Variants in SLC7A2 observed in about 807,000 individuals in gnomAD.
SLC7A2 encodes the protein solute carrier family 7 member 2, also known as cationic amino acid transporter 2.
Under a neutral mutation model 58.9 loss-of-function variants are expected in SLC7A2, and 48 were observed. That is an observed-to-expected ratio of 0.82 (90% CI 0.65 to 1.04). SLC7A2 has a LOEUF of 1.04. Ranked by LOEUF, SLC7A2 falls within the 50% of genes least tolerant of loss-of-function variation. SLC7A2 has a pLI of 0.00. For synonymous variants in SLC7A2, 363 were observed against 314.5 expected (o/e 1.15, Z -1.63); for missense variants, 1,029 against 818.8 (o/e 1.26, Z -3.13).
At chr8:17,513,668 G>A (rs1800690846) in intron 2 of SLC7A2, among the ~76,000 whole-genome samples, 1 of 152,134 alleles carries the variant, frequency 6.6e-6, no homozygotes, top group African/African-American at 2.4e-5. Flanking sequence ...GGCCTTAATT[G>A]ATCATTTTTA....
chr8:17,557,743 G>T (rs371344717), intron 8 of SLC7A2, among the ~76,000 whole-genome samples: 2 of 152,118 alleles, frequency 1.3e-5, no homozygotes, highest in Admixed American at 1.3e-4. Flanking sequence ...TATGACAATC[G>T]CTTGGACCAG....
intron 2 of SLC7A2, among the ~76,000 whole-genome samples, chr8:17,542,951 G>A (rs890676133): frequency 2.0e-5 from 3 of 152,138 alleles, no homozygotes; most frequent in African/African-American, 4.8e-5. Flanking sequence ...GACAGAGTGA[G>A]ATCCTGTTTC....
At position 17,562,060 on chromosome 8, in the gene SLC7A2, G is replaced by A. The variant is rs368801565; in HGVS notation, c.1621G>A (p.Val541Ile). ...GTTTCTTGTTCTCTTCGTTGCCATC[G>A]TTCTCACCATCTGGAGGCAGCCCCA... ...ALFLVLFVAI[V>I]LTIWRQPQNQ... The change falls in exon 11 of 13, where the codon GTT (valine) becomes ATT (isoleucine). Residue 541 changes from valine (V) to isoleucine (I), a missense_variant. By Grantham distance (29) the Val-to-Ile change is conservative (BLOSUM62 3). Coordinates refer to ENST00000494857, the MANE Select transcript of SLC7A2 (RefSeq NM_001370338.1). The A allele has an allele frequency of 4.4e-5, 71 of 1,613,748 alleles. No homozygotes were observed. The Middle Eastern group carries it at 9.9e-4, about 22-fold the overall frequency.
At chr8:17,533,651 C>T (rs1348924969) in intron 2 of SLC7A2, among the ~76,000 whole-genome samples, 2 of 152,236 alleles carry the variant, frequency 1.3e-5, no homozygotes, top group Non-Finnish European at 2.9e-5. Flanking sequence ...AGACAAAAAG[C>T]TTTCTTATAC....
At chr8:17,556,591 T>C (rs1412522550) in intron 8 of SLC7A2, among the ~76,000 whole-genome samples, 1 of 151,228 alleles carries the variant, frequency 6.6e-6, no homozygotes, top group East Asian at 2.0e-4. Flanking sequence ...ATTGTAATAA[T>C]CTGACGTATA....
In SLC7A2 at chr8:17,545,966, T is replaced by C. The variant is rs187310324; in HGVS notation, c.532+1360T>C. Among the ~76,000 whole-genome samples the C allele has an allele frequency of 3.3e-5, 5 of 152,336 alleles. No homozygotes were observed. In the East Asian group the frequency reaches 9.6e-4, roughly 29 times the overall value. On this transcript the variant is annotated intron_variant, in intron 4 of 12. Coordinates refer to ENST00000494857, the MANE Select transcript of SLC7A2 (RefSeq NM_001370338.1). Reference sequence around the variant, plus strand: ...TTTAAAAAGTGAGTCATTAATCAAATGTTTTACATACGGATAGGGATAAGA... The same window carrying C: ...TTTAAAAAGTGAGTCATTAATCAAACGTTTTACATACGGATAGGGATAAGA...
At chr8:17,554,972 C>T (rs866887496) in intron 8 of SLC7A2, 1 of 1,613,770 alleles carries the variant, frequency 6.2e-7, no homozygotes, top group South Asian at 1.1e-5. Flanking sequence ...TTTCCTTTAC[C>T]CCGAATTCTG....
chr8:17,528,390 A>G (rs1727229161), intron 2 of SLC7A2, among the ~76,000 whole-genome samples: 1 of 151,314 alleles, frequency 6.6e-6, no homozygotes, highest in African/African-American at 2.4e-5. Context: ...TTTTTTGTTT[A>G]TTTGTTTTTT....
intron 2 of SLC7A2, among the ~76,000 whole-genome samples, chr8:17,507,508 C>G (rs181519344): frequency 1.9e-3 from 282 of 152,194 alleles, no homozygotes; most frequent in African/African-American, 5.8e-3. Context: ...GCCACTGTAC[C>G]TGGCCTTTTT....
chr8:17,496,580 T>C (rs920182518), upstream of SLC7A2, among the ~76,000 whole-genome samples: 3 of 152,218 alleles, frequency 2.0e-5, no homozygotes, highest in Non-Finnish European at 4.4e-5. Context: ...TTCATACCAC[T>C]GGAGTCTTCC....
intron 4 of SLC7A2, among the ~76,000 whole-genome samples, chr8:17,546,796 G>A (rs1221999087): frequency 6.6e-6 from 1 of 152,118 alleles, no homozygotes; most frequent in Non-Finnish European, 1.5e-5. Context: ...AACTAAATCT[G>A]TGGCATCATC....
Position 17,551,902 on chromosome 8 carries a change from C to G in SLC7A2, c.971C>G (p.Pro324Arg). 6.2e-7 allele frequency: 1 copy of G among 1,613,972 alleles called. No individual in the cohort carries two copies. The highest frequency in any genetic ancestry group is 2.2e-5 in the East Asian group (1 of 44,836). Residue 324 changes from proline (P) to arginine (R), a missense_variant, in exon 7 of 13, where the codon CCC becomes CGC. Physicochemically the swap from Pro to Arg is moderately radical, Grantham distance 103. Coordinates refer to ENST00000494857, the MANE Select transcript of SLC7A2 (RefSeq NM_001370338.1). ...TACTACCTCCTCGATGAAAAAAGCC[C>G]CCTTCCTGTAGCGTTTGAATATGTG... ...MPYYLLDEKSPLPVAFEYVGW... is the reference protein window; with the variant it reads ...MPYYLLDEKSRLPVAFEYVGW...
intron 4 of SLC7A2, among the ~76,000 whole-genome samples, chr8:17,545,924 TA>T (rs1802150175): frequency 1.3e-5 from 2 of 152,184 alleles, no homozygotes; most frequent in South Asian, 2.1e-4. Flanking sequence ...TATATAATTT[TA>T]AAAATAGCTT....
At chr8:17,507,424 G>C (rs1288812695) in intron 2 of SLC7A2, among the ~76,000 whole-genome samples, 1 of 151,958 alleles carries the variant, frequency 6.6e-6, no homozygotes, top group Non-Finnish European at 1.5e-5. Context: ...GTGTTGCCCA[G>C]GCTGGTTTTG....
chr8:17,530,187 C>T (rs1303862970), intron 2 of SLC7A2, among the ~76,000 whole-genome samples: 2 of 152,140 alleles, frequency 1.3e-5, no homozygotes, highest in African/African-American at 4.8e-5. Flanking sequence ...CCCTGCCCCC[C>T]ATCCCCGGTC....
intron 5 of SLC7A2, 26 bp from the exon 6 acceptor site, chr8:17,550,275 T>A: frequency 1.9e-6 from 3 of 1,608,562 alleles, no homozygotes; most frequent in Non-Finnish European, 2.5e-6. Context: ...AAAGTGACTT[T>A]CCAATGTGTT....
chr8:17,503,439 A>G (rs982459832), intron 2 of SLC7A2, among the ~76,000 whole-genome samples: 1 of 152,160 alleles, frequency 6.6e-6, no homozygotes, highest in Admixed American at 6.5e-5. Context: ...AATTCACTTT[A>G]TATTCACTCC....
At chr8:17,502,333 G>T (rs977866527) in intron 2 of SLC7A2, 31 bp downstream of exon 2, 1 of 151,980 alleles carries the variant, frequency 6.6e-6, no homozygotes, top group African/African-American at 2.4e-5. Context: ...TGGCTTGCAC[G>T]TTGGAATGGA....
At chr8:17,528,434 G>A (rs1390053166) in intron 2 of SLC7A2, among the ~76,000 whole-genome samples, 1 of 152,012 alleles carries the variant, frequency 6.6e-6, no homozygotes, top group East Asian at 1.9e-4. Context: ...GCCCAGGCCG[G>A]AGTGCAGTGG....
Sources: allele counts gnomAD v4.1 joint callset (sites outside exome capture counted in the v4.1 genomes callset), GRCh38; gene constraint gnomAD v4.1.1; transcripts MANE v1.5; gene names NCBI Gene and HGNC (gene_info 2026-07-23, HGNC 2026-07-21).